The following CDH23 variants were observed in gnomAD, a reference collection of about 807,000 sequenced individuals.
CDH23 encodes the protein cadherin-23.
A neutral mutation model predicts 317.1 loss-of-function variants in CDH23; 189 were observed. The ratio of observed to expected loss-of-function variants is 0.60; its 90% confidence interval spans 0.53 to 0.67. The LOEUF (loss-of-function observed/expected upper bound fraction) is 0.67, where lower values mean the gene tolerates loss of function less well. CDH23 is among the 30% of genes least tolerant of loss of function. The pLI is 0.00. For synonymous variants in CDH23, 1,839 were observed against 1,876.8 expected (o/e 0.98, Z 0.52); for missense variants, 4,401 against 4,592.4 (o/e 0.96, Z 1.20).
chr10:71,485,269 C>T (rs1427486241), intron 3 of CDH23, among the ~76,000 whole-genome samples: 2 of 152,134 alleles, frequency 1.3e-5, no homozygotes, highest in Non-Finnish European at 2.9e-5. Flanking sequence ...TCGTGATCCA[C>T]CTGCCTCGGC....
chr10:71,768,008 G>A (rs542213890), intron 38 of CDH23, among the ~76,000 whole-genome samples: 6 of 152,302 alleles, frequency 3.9e-5, no homozygotes, highest in Middle Eastern at 3.4e-3. Context: ...CCTTTTGGAG[G>A]AGGACTGTGT....
chr10:71,624,317 G>A (rs932971556), intron 11 of CDH23, among the ~76,000 whole-genome samples: 1 of 152,354 alleles, frequency 6.6e-6, no homozygotes, highest in East Asian at 1.9e-4. Flanking sequence ...AGGGAAGGAC[G>A]AGAGAGGCAG....
chr10:71,459,942 C>T (rs1398143617), intron 3 of CDH23, among the ~76,000 whole-genome samples: 1 of 152,226 alleles, frequency 6.6e-6, no homozygotes, highest in Non-Finnish European at 1.5e-5. Context: ...CTTGGCCCAA[C>T]TTCTCCCTCC....
intron 6 of CDH23, among the ~76,000 whole-genome samples, chr10:71,540,377 G>A (rs1486512049): frequency 6.6e-6 from 1 of 152,160 alleles, no homozygotes; most frequent in East Asian, 1.9e-4. Context: ...AGGCATGCCT[G>A]TATGGGCCAG....
intron 7 of CDH23, among the ~76,000 whole-genome samples, chr10:71,569,343 G>C (rs10999884): frequency 0.043 from 6,532 of 152,282 alleles, 194 homozygotes; most frequent in Non-Finnish European, 0.066. Flanking sequence ...GAGGCACCAG[G>C]CTTCTTGGAA....
intron 6 of CDH23, among the ~76,000 whole-genome samples, chr10:71,536,177 G>T (rs1855690374): frequency 6.6e-6 from 1 of 152,266 alleles, no homozygotes; most frequent in Non-Finnish European, 1.5e-5. Flanking sequence ...CACAGGGAGG[G>T]TTACTCCATG....
intron 6 of CDH23, among the ~76,000 whole-genome samples, chr10:71,551,287 C>T (rs1589195933): frequency 6.6e-6 from 1 of 152,210 alleles, no homozygotes; most frequent in Non-Finnish European, 1.5e-5. Context: ...GCTTAATGAA[C>T]GTCATTTGCA....
chr10:71,404,329 C>T (rs192963794), intron 1 of CDH23, among the ~76,000 whole-genome samples: 1 of 152,290 alleles, frequency 6.6e-6, no homozygotes, highest in East Asian at 1.9e-4. Flanking sequence ...TTATGTCGCC[C>T]CTGTGAGTTT....
intron 3 of CDH23, among the ~76,000 whole-genome samples, chr10:71,507,993 G>A (rs1853741115): frequency 1.3e-5 from 2 of 152,202 alleles, no homozygotes; most frequent in Non-Finnish European, 2.9e-5. Flanking sequence ...CTCTGAAGAT[G>A]TCCCAGGATT....
chr10:71,730,240 C>G (rs1214661460), intron 30 of CDH23, among the ~76,000 whole-genome samples: 1 of 152,226 alleles, frequency 6.6e-6, no homozygotes, highest in African/African-American at 2.4e-5. Context: ...AAGCCAAGAG[C>G]AAGATGAAGT....
chr10:71,481,666 C>T (rs1336056093), intron 3 of CDH23, among the ~76,000 whole-genome samples: 1 of 152,194 alleles, frequency 6.6e-6, no homozygotes, highest in East Asian at 1.9e-4. Context: ...GTGCTGGAAG[C>T]TGGGAAATTA....
chr10:71,508,751 G>A (rs1358093907), intron 3 of CDH23, among the ~76,000 whole-genome samples: 6 of 152,176 alleles, frequency 3.9e-5, no homozygotes, highest in Admixed American at 2.6e-4. Flanking sequence ...CCATGGCTCC[G>A]ATCTCCTCAC....
intron 26 of CDH23, chr10:71,707,612 C>A: frequency 1.2e-6 from 1 of 857,186 alleles, no homozygotes; most frequent in Non-Finnish European, 1.4e-6. Context: ...ATGTCTGCCA[C>A]AGTGGTAGGA....
chr10:71,754,067 T>C (rs369481143), intron 38 of CDH23, among the ~76,000 whole-genome samples: 29 of 152,302 alleles, frequency 1.9e-4, no homozygotes, highest in African/African-American at 5.8e-4. Context: ...TCCTTTTCTT[T>C]TTTTCCTGAG....
rs185857664 is a variant in CDH23 at position 71,460,973 on chromosome 10, T to G, written c.145+14578T>G. Among the ~76,000 whole-genome samples the G allele has an allele frequency of 1.7e-3, 262 of 152,330 alleles. 7 individuals are homozygous for G. Among genetic ancestry groups the G allele is most frequent in the Admixed American group, 0.014 (213 of 15,298 alleles). ...TAGGGACACCACCTCTGCATATTCC[T>G]TGGGATATCAGAAAGGATCTGTAGT... On this transcript the variant is annotated intron_variant, in intron 3 of 69. Transcript: ENST00000224721.
intron 3 of CDH23, among the ~76,000 whole-genome samples, chr10:71,505,019 A>C (rs1853556409): frequency 6.6e-6 from 1 of 152,182 alleles, no homozygotes; most frequent in African/African-American, 2.4e-5. Flanking sequence ...TTGCATTGTA[A>C]AGCTCTACAG....
chr10:71,534,345 G>A (rs1855579876), intron 6 of CDH23, among the ~76,000 whole-genome samples: 1 of 152,164 alleles, frequency 6.6e-6, no homozygotes, highest in Non-Finnish European at 1.5e-5. Context: ...CCACTCTCAT[G>A]TCTGGGGGTC....
In CDH23 at chr10:71,751,390, G is replaced by T; in HGVS notation, c.4845+9469G>T. The T allele has an allele frequency of 1.6e-6, 1 of 610,554 alleles. No homozygotes were observed. 37.8% of individuals were successfully genotyped at this position (610,554 alleles called of 1,614,324 possible). A position where few individuals can be genotyped will look rare whatever the true frequency, so the allele number is the denominator to read the frequency against. ...GAACTCTTCAGGGAGGTGAATGGGG[G>T]CCCCTCTGTCCCTCACCCTCAACCC... On this transcript the variant is annotated intron_variant, in intron 38 of 69. Transcript: ENST00000224721. The surrounding 1 kb of genome is among the most constrained non-coding windows in gnomAD (Gnocchi z 4.9).
chr10:71,444,504 G>C (rs1417198813), intron 2 of CDH23, among the ~76,000 whole-genome samples: 2 of 152,192 alleles, frequency 1.3e-5, no homozygotes, highest in African/African-American at 4.8e-5. Context: ...TGGAAGAAGG[G>C]CCAATGGAAA....
Sources: allele counts gnomAD v4.1 joint callset (sites outside exome capture counted in the v4.1 genomes callset), GRCh38; gene constraint gnomAD v4.1.1; non-coding constraint Gnocchi (gnomAD v3.1); transcripts MANE v1.5; gene names NCBI Gene and HGNC (gene_info 2026-07-23, HGNC 2026-07-21).